NKAIN1: variants seen among roughly 807,000 people sequenced by gnomAD.
The protein encoded by NKAIN1 is sodium/potassium-transporting ATPase subunit beta-1-interacting protein 1.
In NKAIN1, 13 loss-of-function variants were observed where a neutral mutation model predicts 31.6. That is an observed-to-expected ratio of 0.41 (90% CI 0.27 to 0.65). NKAIN1 has a LOEUF of 0.65. NKAIN1 is among the 30% of genes least tolerant of loss of function. NKAIN1 has a pLI of 0.30. For missense variants in NKAIN1, 193 were observed against 262.2 expected (o/e 0.74, Z 1.82); for synonymous variants, 104 against 109.0 (o/e 0.95, Z 0.28).
At position 31,200,458 on chromosome 1, in the gene NKAIN1, C is replaced by CTTT. The variant is rs3081712; in HGVS notation, c.55-12274_55-12272dup. 5.2e-3 allele frequency among the ~76,000 whole-genome samples: 636 copies of CTTT among 121,754 alleles called. 20 individuals carry two copies. The highest frequency in any genetic ancestry group is 0.014 in the African/African-American group (459 of 31,918). 79.9% of individuals were successfully genotyped at this position (121,754 alleles called of 152,430 possible). ...AAGTTGGACCAGAAGTCTCCTCTCT[C>CTTT]TTTTTTTTTTTTTTTTTTTGAGACA... On this transcript the variant is annotated intron_variant, in intron 1 of 6. Coordinates refer to ENST00000373736, the MANE Select transcript of NKAIN1 (RefSeq NM_024522.3).
chr1:31,220,698 T>A (rs568303241), intron 1 of NKAIN1, among the ~76,000 whole-genome samples: 19 of 133,266 alleles, frequency 1.4e-4, no homozygotes, highest in African/African-American at 5.7e-4. Flanking sequence ...GAGGTTGCGG[T>A]GAGCCAAGAT....
chr1:31,222,112 CAG>C (rs1427286164), intron 1 of NKAIN1, among the ~76,000 whole-genome samples: 1 of 152,196 alleles, frequency 6.6e-6, no homozygotes, highest in African/African-American at 2.4e-5. Context: ...CTCCTGACCT[CAG>C]GGAATCCACC....
intron 1 of NKAIN1, among the ~76,000 whole-genome samples, chr1:31,217,779 G>T (rs552469650): frequency 2.0e-5 from 3 of 152,210 alleles, no homozygotes; most frequent in Non-Finnish European, 4.4e-5. Context: ...AGTGAGGAAA[G>T]GAGACAGGAG....
Position 31,179,829 on chromosome 1 carries a change from G to T in NKAIN1, c.*1874C>A, listed in dbSNP as rs1645184183. 1 of 152,244 alleles carries T rather than the reference G, an allele frequency of 6.6e-6. No individual in the cohort carries two copies. The highest frequency in any genetic ancestry group is 1.5e-5 in the Non-Finnish European group (1 of 68,080). 9.4% of individuals were successfully genotyped at this position (152,244 alleles called of 1,614,324 possible). On this transcript the variant is annotated 3_prime_UTR_variant, in exon 7 of 7. Transcript: ENST00000373736. ...CCTCCTTGCAAGGTCCCAGTGAAAA[G>T]AGAACCTGGTCCCCTTGCAAAAACC... is the stretch of plus-strand genomic sequence containing the variant.
At chr1:31,190,166 A>G (rs1645274805) in intron 1 of NKAIN1, among the ~76,000 whole-genome samples, 2 of 152,184 alleles carry the variant, frequency 1.3e-5, no homozygotes, top group Non-Finnish European at 2.9e-5. Context: ...GCCTTTTTCC[A>G]GGCAGGGAGG....
Position 31,208,639 on chromosome 1 carries a change from G to GAT in NKAIN1, c.55-20453_55-20452insAT, listed in dbSNP as rs143512286. On this transcript the variant is annotated intron_variant, in intron 1 of 6. Coordinates refer to ENST00000373736, the MANE Select transcript of NKAIN1 (RefSeq NM_024522.3). ...GTGGCCCCCACATAGTGGGGGGAGGGGGCCCTGGAAACCTCTGATGTAAGT... is the reference window on the plus strand; with the variant it reads ...GTGGCCCCCACATAGTGGGGGGAGGGATGGCCCTGGAAACCTCTGATGTAAGT... Among the ~76,000 whole-genome samples, 5 of 54,954 alleles carry GAT rather than the reference G, an allele frequency of 9.1e-5. No homozygotes were observed. In the South Asian group the frequency reaches 4.1e-3, roughly 45 times the overall value. 36.1% of individuals were successfully genotyped at this position (54,954 alleles called of 152,430 possible). A position where few individuals can be genotyped will look rare whatever the true frequency, so the allele number is the denominator to read the frequency against.
chr1:31,218,022 T>TTCTA (rs1237051501), intron 1 of NKAIN1, among the ~76,000 whole-genome samples: 2 of 84,196 alleles, frequency 2.4e-5, no homozygotes, highest in East Asian at 7.9e-4. Flanking sequence ...ACCATTTTCT[T>TTCTA]TCTTTCTTTC....
chr1:31,186,357 C>T lies in NKAIN1; in HGVS notation c.193-1030G>A, dbSNP rs542053739. On this transcript the variant is annotated intron_variant, in intron 2 of 6. Coordinates refer to ENST00000373736, the MANE Select transcript of NKAIN1 (RefSeq NM_024522.3). ...AGCCTGGGCAACAAGAGCGAAACTCCGTCTCAAAAAAAAAAAAAAAGTCTT... is the reference window on the plus strand; with the variant it reads ...AGCCTGGGCAACAAGAGCGAAACTCTGTCTCAAAAAAAAAAAAAAAGTCTT... Among the ~76,000 whole-genome samples the T allele has an allele frequency of 5.0e-5, 7 of 140,994 alleles. No individual in the cohort carries two copies. In the South Asian group the frequency reaches 1.4e-3, roughly 28 times the overall value. 92.5% of individuals were successfully genotyped at this position (140,994 alleles called of 152,430 possible).
chr1:31,195,185 T>G (rs1392206534), intron 1 of NKAIN1, among the ~76,000 whole-genome samples: 2 of 148,336 alleles, frequency 1.3e-5, no homozygotes, highest in African/African-American at 5.0e-5. Flanking sequence ...TGGTGCGATC[T>G]AGGCCCACTT....
In NKAIN1 at chr1:31,184,020, G is replaced by A; in HGVS notation, c.274-6C>T. ...GTCATGATGAAGTCCCGGTCCTGGG[G>A]GCAAAGGGGCCTGGGATACTGAGTG... On this transcript the variant is annotated splice_region_variant and splice_polypyrimidine_tract_variant and intron_variant, in intron 3 of 6. Transcript: ENST00000373736. 6.2e-7 allele frequency: 1 copy of A among 1,612,816 alleles called. No individual in the cohort carries two copies. Among genetic ancestry groups the A allele is most frequent in the Non-Finnish European group, 8.5e-7 (1 of 1,179,458 alleles).
intron 4 of NKAIN1, among the ~76,000 whole-genome samples, chr1:31,183,470 T>A (rs1327044424): frequency 1.5e-5 from 2 of 137,146 alleles, no homozygotes; most frequent in African/African-American, 6.0e-5. Flanking sequence ...TTTTTTTTTA[T>A]GGAGTTTCGC....
Position 31,192,186 on chromosome 1 carries a change from C to T in NKAIN1, c.55-3999G>A, listed in dbSNP as rs924800458. Among the ~76,000 whole-genome samples the T allele has an allele frequency of 5.9e-5, 9 of 152,184 alleles. 1 individual carries two copies. The highest frequency in any genetic ancestry group is 5.2e-4 in the Admixed American group (8 of 15,262). The stretch of plus-strand genomic sequence containing the variant: ...CACAGGTGCTGCTCTCTCCACTTGA[C>T]ATGGAGTGGGGGCTGTTCTTCCCAT... On this transcript the variant is annotated intron_variant, in intron 1 of 6. Transcript: ENST00000373736.
chr1:31,203,535 C>A (rs887101172), intron 1 of NKAIN1, among the ~76,000 whole-genome samples: 1 of 151,340 alleles, frequency 6.6e-6, no homozygotes, highest in African/African-American at 2.4e-5. Context: ...ATTATGGGGG[C>A]CTTTGAGATT....
intron 1 of NKAIN1, among the ~76,000 whole-genome samples, chr1:31,202,393 A>G (rs10914316): frequency 0.75 from 114,325 of 152,178 alleles, 43,441 homozygotes; most frequent in Middle Eastern, 0.9. Context: ...CAGGCCGGGG[A>G]CCAGGCAGGG....
Position 31,187,970 on chromosome 1 carries a change from G to T in NKAIN1, c.192+80C>A, listed in dbSNP as rs1027683510. ...TGCCCCAGTGTTGGGGGGCAGTTCT[G>T]GTTTTGAGGAGCAGGGAGGGGTGGA... is the stretch of plus-strand genomic sequence containing the variant. On this transcript the variant is annotated intron_variant, in intron 2 of 6. Transcript: ENST00000373736. The T allele has an allele frequency of 2.8e-6, 4 of 1,447,902 alleles. No homozygotes were observed. In the African/African-American group the frequency reaches 5.7e-5, roughly 20 times the overall value. 89.7% of individuals were successfully genotyped at this position (1,447,902 alleles called of 1,614,324 possible).
intron 1 of NKAIN1, among the ~76,000 whole-genome samples, chr1:31,221,785 T>G (rs1302782783): frequency 6.6e-6 from 1 of 152,042 alleles, no homozygotes; most frequent in African/African-American, 2.4e-5. Flanking sequence ...CATGCTAAAG[T>G]TTGAGAAACA....
chr1:31,188,244 T>C, intron 1 of NKAIN1, 57 bp from the exon 2 acceptor site: 2 of 1,534,908 alleles, frequency 1.3e-6, no homozygotes, highest in Non-Finnish European at 1.8e-6. Flanking sequence ...AGGACAGGGA[T>C]TCCTGCTTGA....
At chr1:31,235,890 C>A (rs1189278205) in intron 1 of NKAIN1, among the ~76,000 whole-genome samples, 3 of 152,096 alleles carry the variant, frequency 2.0e-5, no homozygotes, top group African/African-American at 7.2e-5. Context: ...AAAGGACAGT[C>A]CACAAAGGAC....
intron 1 of NKAIN1, among the ~76,000 whole-genome samples, chr1:31,227,934 C>T (rs534404690): frequency 1.3e-5 from 2 of 152,264 alleles, no homozygotes; most frequent in East Asian, 1.9e-4. Context: ...TTCCTGTCCC[C>T]CTGGCCAGCC....
Sources: allele counts gnomAD v4.1 joint callset (sites outside exome capture counted in the v4.1 genomes callset), GRCh38; gene constraint gnomAD v4.1.1; transcripts MANE v1.5; gene names NCBI Gene and HGNC (gene_info 2026-07-23, HGNC 2026-07-21).